The following MACF1 variants were observed in gnomAD, a reference collection of about 807,000 sequenced individuals.
MACF1 encodes microtubule actin crosslinking factor 1, also known as microtubule-actin cross-linking factor 1.
In MACF1, 193 loss-of-function variants were observed where a neutral mutation model predicts 854.8. That is an observed-to-expected ratio of 0.23 (90% CI 0.20 to 0.25). The LOEUF (loss-of-function observed/expected upper bound fraction) is 0.25. Ranked by LOEUF, MACF1 falls within the 10% of genes least tolerant of loss-of-function variation. The pLI, the probability that MACF1 is intolerant of heterozygous loss-of-function variation, is 1.00. For synonymous variants in MACF1, 3,185 were observed against 3,226.7 expected, an observed-to-expected ratio of 0.99 and a Z score of 0.44; for missense variants, 7,722 against 8,929.1, an observed-to-expected ratio of 0.86 and a Z score of 5.45.
Position 39,361,471 on chromosome 1 carries a change from A to G in MACF1, c.12565A>G (p.Lys4189Glu). 6.2e-7 allele frequency: 1 copy of G among 1,614,216 alleles called. No homozygotes were observed. Among genetic ancestry groups the G allele is most frequent in the Non-Finnish European group, 8.5e-7 (1 of 1,180,048 alleles). Reference protein sequence around the residue: ...DSTTAAVLQGKLAEVSQRFEQ... With the variant: ...DSTTAAVLQGELAEVSQRFEQ... ...TACTACAGCAGCAGTGCTGCAGGGC[A>G]AACTGGCAGAGGTGAGCCAGCGGTT... is the stretch of plus-strand genomic sequence containing the variant. Residue 4189 changes from lysine to glutamate, a missense_variant, in exon 49 of 101, where the codon AAA (lysine) becomes GAA (glutamate). Physicochemically the swap from Lys to Glu is moderately conservative, Grantham distance 56 (BLOSUM62 1). Around this residue, in one of 15 missense-constraint regions of MACF1, gnomAD observed 2,807 missense variants for 3,235.8 expected, o/e 0.87. Coordinates refer to ENST00000564288, the MANE Select transcript of MACF1 (RefSeq NM_001394062.1).
intron 29 of MACF1, among the ~76,000 whole-genome samples, chr1:39,317,731 C>T (rs1557584422): frequency 6.6e-6 from 1 of 152,168 alleles, no homozygotes; most frequent in Non-Finnish European, 1.5e-5. Flanking sequence ...GTTTTATTAG[C>T]TTTGTATCCA....
chr1:39,143,476 G>T (rs1643392570), intron 2 of MACF1, among the ~76,000 whole-genome samples: 1 of 152,174 alleles, frequency 6.6e-6, no homozygotes, highest in Non-Finnish European at 1.5e-5. Context: ...CTTGTTTAGG[G>T]TTTCCTGCCC....
At chr1:39,241,658 T>TCA in intron 2 of MACF1, among the ~76,000 whole-genome samples, 1 of 49,030 alleles carries the variant, frequency 2.0e-5, no homozygotes, top group Admixed American at 2.9e-4. Context: ...AGACTCCATC[T>TCA]CAAAAAAAAA....
rs768281481 is a variant in MACF1 at position 39,335,247 on chromosome 1, T to C, written c.8659T>C (p.Tyr2887His). ...SLGQVSLTHPYSECDFKLKEV... is the reference protein window; with the variant it reads ...SLGQVSLTHPHSECDFKLKEV... Reference sequence around the variant, plus strand: ...GGGCCAAGTGTCATTGACACACCCTTACTCTGAATGTGATTTTAAACTTAA... The same window carrying C: ...GGGCCAAGTGTCATTGACACACCCTCACTCTGAATGTGATTTTAAACTTAA... The change falls in exon 37 of 101, where the codon TAC becomes CAC. Residue 2887 changes from tyrosine to histidine, a missense_variant. Physicochemically the swap from Tyr to His is moderately conservative, Grantham distance 83. Coordinates refer to ENST00000564288, the MANE Select transcript of MACF1 (RefSeq NM_001394062.1). The C allele has an allele frequency of 9.3e-6, 15 of 1,614,004 alleles. No individual in the cohort carries two copies. The highest frequency in any genetic ancestry group is 6.6e-5 in the South Asian group (6 of 91,072).
chr1:39,184,422 C>T (rs545580905), intron 2 of MACF1, among the ~76,000 whole-genome samples: 22 of 152,150 alleles, frequency 1.4e-4, no homozygotes, highest in African/African-American at 5.3e-4. Context: ...ATCAGAAGGT[C>T]AGATCTCAGA....
chr1:39,149,244 G>A (rs1173038810), intron 2 of MACF1, among the ~76,000 whole-genome samples: 3 of 152,164 alleles, frequency 2.0e-5, no homozygotes, highest in Non-Finnish European at 4.4e-5. Context: ...AAATTAAAAG[G>A]AGGCATTGGC....
At chr1:39,143,995 A>G (rs1270307077) in intron 2 of MACF1, among the ~76,000 whole-genome samples, 1 of 151,060 alleles carries the variant, frequency 6.6e-6, no homozygotes, top group Non-Finnish European at 1.5e-5. Flanking sequence ...TCACTGTGTT[A>G]GCCAGGATGA....
chr1:39,461,358 A>G (rs1644548504), intron 92 of MACF1, among the ~76,000 whole-genome samples: 1 of 152,110 alleles, frequency 6.6e-6, no homozygotes, highest in African/African-American at 2.4e-5. Flanking sequence ...GGGTGGTTGT[A>G]ATATTATGTT....
In MACF1 at chr1:39,430,782, G is replaced by A; in HGVS notation, c.17211G>A (p.Val5737=). 1 of 1,612,484 alleles carries A rather than the reference G, an allele frequency of 6.2e-7. No individual in the cohort carries two copies. Among genetic ancestry groups the A allele is most frequent in the Non-Finnish European group, 8.5e-7 (1 of 1,180,002 alleles). ...TGAGCCGTGCTCTCTTAGAGCTGGT[G>A]CCCTGGAGAGCCAGAGAAGGGCTGG... ...NEVSRALLEL[V]PWRAREGLDK... Residue 5737 remains valine, a synonymous_variant, in exon 66 of 101, where the codon GTG becomes GTA. Coordinates refer to ENST00000564288, the MANE Select transcript of MACF1 (RefSeq NM_001394062.1).
At chr1:39,450,064 A>G (rs547909148) in intron 84 of MACF1, among the ~76,000 whole-genome samples, 41 of 151,340 alleles carry the variant, frequency 2.7e-4, no homozygotes, top group African/African-American at 9.9e-4. Flanking sequence ...GGGTTTCACC[A>G]TATTGGCCAG....
chr1:39,309,409 A>C (rs1051378216), intron 23 of MACF1, among the ~76,000 whole-genome samples, 161 bp from the exon 24 acceptor site: 10 of 152,134 alleles, frequency 6.6e-5, no homozygotes, highest in Non-Finnish European at 1.0e-4. Context: ...CAATTAATTT[A>C]GTTCTAAAAA....
chr1:39,163,361 GAAAA>G (rs778248956), intron 2 of MACF1, among the ~76,000 whole-genome samples: 1 of 89,902 alleles, frequency 1.1e-5, no homozygotes, highest in Non-Finnish European at 2.4e-5. Context: ...AAAAAAAAAA[GAAAA>G]GAAAAGAAAA....
intron 43 of MACF1, among the ~76,000 whole-genome samples, chr1:39,352,728 AG>A (rs1647225378): frequency 6.7e-6 from 1 of 150,078 alleles, no homozygotes; most frequent in Non-Finnish European, 1.5e-5. Flanking sequence ...CGTGTTGACC[AG>A]GCTTGTCTCA....
intron 1 of MACF1, among the ~76,000 whole-genome samples, chr1:39,222,930 A>T (rs1644671284): frequency 6.6e-6 from 1 of 152,196 alleles, no homozygotes; most frequent in Non-Finnish European, 1.5e-5. Context: ...ATGTTGGATC[A>T]GAACATAGAA....
At chr1:39,271,658 G>T (rs1407203122) in intron 6 of MACF1, among the ~76,000 whole-genome samples, 2 of 152,164 alleles carry the variant, frequency 1.3e-5, no homozygotes, top group African/African-American at 2.4e-5. Context: ...CTGTGGAACT[G>T]ATTGTTGTAC....
At chr1:39,354,481 C>G (rs962533784) in intron 44 of MACF1, among the ~76,000 whole-genome samples, 6 of 152,156 alleles carry the variant, frequency 3.9e-5, no homozygotes, top group Middle Eastern at 3.4e-3. Flanking sequence ...CCCAGCTCAC[C>G]GCAACCTCCA....
intron 58 of MACF1, among the ~76,000 whole-genome samples, chr1:39,393,980 C>T (rs866741805): frequency 1.3e-5 from 2 of 152,114 alleles, no homozygotes; most frequent in Non-Finnish European, 2.9e-5. Flanking sequence ...TTAGGGTCTG[C>T]GAGTTTCTCA....
rs201160670 is a variant in MACF1, at chr1:39,300,379, G to C, written c.2634+17G>C. The C allele has an allele frequency of 1.1e-5, 18 of 1,609,468 alleles. No individual in the cohort carries two copies. The East Asian group carries it at 3.8e-4, about 34-fold the overall frequency. On this transcript the variant is annotated intron_variant, in intron 22 of 100. Coordinates refer to ENST00000564288, the MANE Select transcript of MACF1 (RefSeq NM_001394062.1). ...CAGATCGAGGTGAGGAGGTAGAAAG[G>C]GTACCTCTGGGCCACAGGGGGAAGG...
intron 54 of MACF1, 57 bp downstream of exon 54, chr1:39,379,501 G>C: frequency 3.9e-6 from 6 of 1,551,460 alleles, no homozygotes; most frequent in Non-Finnish European, 5.2e-6. Context: ...AGCTGTACCA[G>C]TGTTCCTGCC....
Sources: allele counts gnomAD v4.1 joint callset (sites outside exome capture counted in the v4.1 genomes callset), GRCh38; gene constraint gnomAD v4.1.1; regional missense constraint gnomAD v4.1.1; transcripts MANE v1.5; gene names NCBI Gene and HGNC (gene_info 2026-07-23, HGNC 2026-07-21).